The following OTOA variants were observed in gnomAD, a reference collection of about 807,000 sequenced individuals.
The protein encoded by OTOA is cancer/testis antigen 108.
A neutral mutation model predicts 110.8 loss-of-function variants in OTOA; 70 were observed. The ratio of observed to expected loss-of-function variants is 0.63; its 90% CI spans 0.52 to 0.77. OTOA has a LOEUF of 0.77. OTOA is among the 30% of genes least tolerant of loss of function. The pLI is 0.00. For synonymous variants in OTOA, 373 were observed against 431.5 expected, an observed-to-expected ratio of 0.86 and a Z score of 1.68; for missense variants, 917 against 1,075.8, an observed-to-expected ratio of 0.85 and a Z score of 2.06.
rs76025098 is a variant in OTOA, at chr16:21,712,021, A to G, written c.1320+1918A>G. ...CTGACCAACTATACAAAACTCATCA[A>G]TTTTTATTTTGACAAAAGGTAGTAG... On this transcript the variant is annotated intron_variant, in intron 13 of 28. Coordinates refer to ENST00000646100, the MANE Select transcript of OTOA (RefSeq NM_144672.4). Among the ~76,000 whole-genome samples, 1,465 of 151,774 alleles carry G rather than the reference A, an allele frequency of 9.7e-3. 19 individuals are homozygous for G. The highest frequency in any genetic ancestry group is 0.014 in the Non-Finnish European group (972 of 67,958).
chr16:21,668,461 T>TC lies in OTOA; in HGVS notation c.-5+4229_-5+4230insC, dbSNP rs1171023213. On this transcript the variant is annotated intron_variant, in intron 1 of 28. Transcript: ENST00000646100. ...TTGTTTGTTTGCTTTGTTTCTTTCT[T>TC]TTTTTTTTTTTTTTTGGAGACAGAG... is the stretch of plus-strand genomic sequence containing the variant. Among the ~76,000 whole-genome samples the TC allele has an allele frequency of 2.9e-3, 414 of 145,056 alleles. 3 individuals are homozygous for TC. Among genetic ancestry groups the TC allele is most frequent in the African/African-American group, 0.01 (402 of 40,082 alleles).
chr16:21,728,368 A>C lies in OTOA; in HGVS notation c.2144A>C (p.Asp715Ala), dbSNP rs758317494. Residue 715 changes from aspartate (D) to alanine (A), a missense_variant, in exon 20 of 29, where the codon GAC becomes GCC. Around this residue, in one of 6 missense-constraint regions of OTOA, gnomAD observed 840 missense variants for 910.2 expected, o/e 0.92. Transcript: ENST00000646100. ...AWATALHGLRDCPDLNPEQKA... is the reference protein window; with the variant it reads ...AWATALHGLRACPDLNPEQKA... ...GCGACTGCTCTACACGGCCTCAGAG[A>C]CTGCCCAGACCTCAACCCTGAGCAA... 1.9e-6 allele frequency: 3 copies of C among 1,613,960 alleles called. No individual in the cohort carries two copies. Among genetic ancestry groups the C allele is most frequent in the Non-Finnish European group, 2.5e-6 (3 of 1,180,004 alleles).
intron 17 of OTOA, chr16:21,721,356 C>T (rs1459750150): frequency 2.2e-6 from 1 of 455,030 alleles, no homozygotes; most frequent in Non-Finnish European, 4.4e-6. Flanking sequence ...ACTGTTTTGC[C>T]CTCTTAGGGG....
chr16:21,733,461 C>T (rs1899180827), intron 21 of OTOA, among the ~76,000 whole-genome samples: 1 of 152,084 alleles, frequency 6.6e-6, no homozygotes, highest in South Asian at 2.1e-4. Flanking sequence ...TTAGGTACAG[C>T]CAGGGTTGAA....
At chr16:21,705,062 T>A (rs746917495) in intron 11 of OTOA, 107 bp from the exon 12 acceptor site, 40 of 1,563,904 alleles carry the variant, frequency 2.6e-5, no homozygotes, top group Non-Finnish European at 3.1e-5. Flanking sequence ...AACCTGGGAG[T>A]CCGTGGCAAC....
intron 23 of OTOA, among the ~76,000 whole-genome samples, chr16:21,744,104 T>C (rs1177137861): frequency 7.2e-6 from 1 of 139,490 alleles, no homozygotes; most frequent in African/African-American, 2.6e-5. Flanking sequence ...CAACACATTA[T>C]TATCAACTGT....
At chr16:21,679,696 C>T (rs1474915727) in intron 5 of OTOA, among the ~76,000 whole-genome samples, 1 of 152,210 alleles carries the variant, frequency 6.6e-6, no homozygotes. Context: ...TGAGCCACCG[C>T]AACCGGCCTA....
At chr16:21,665,999 TA>T (rs1966839846) in intron 1 of OTOA, among the ~76,000 whole-genome samples, 1 of 152,024 alleles carries the variant, frequency 6.6e-6, no homozygotes, top group Non-Finnish European at 1.5e-5. Context: ...ATTTTTAAAT[TA>T]TTTGTAGAAA....
intron 24 of OTOA, among the ~76,000 whole-genome samples, chr16:21,749,620 TCTC>T (rs1366939050): frequency 7.1e-5 from 10 of 141,216 alleles, no homozygotes; most frequent in African/African-American, 2.1e-4. Flanking sequence ...TCCTTGGATG[TCTC>T]CTCATCTTTG....
At chr16:21,716,717 T>A (rs1203172023) in intron 14 of OTOA, among the ~76,000 whole-genome samples, 190 bp from the exon 15 acceptor site, 3 of 152,118 alleles carry the variant, frequency 2.0e-5, no homozygotes, top group Non-Finnish European at 4.4e-5. Flanking sequence ...TGTCACTTAC[T>A]GACTTTCAAC....
chr16:21,759,814 C>T (rs1309715948), intron 28 of OTOA, among the ~76,000 whole-genome samples: 5 of 151,910 alleles, frequency 3.3e-5, no homozygotes, highest in South Asian at 2.1e-4. Context: ...GCAGAGGAAT[C>T]GCTTGAACCT....
At chr16:21,706,689 T>A (rs1392568326) in intron 12 of OTOA, among the ~76,000 whole-genome samples, 1 of 152,110 alleles carries the variant, frequency 6.6e-6, no homozygotes, top group Admixed American at 6.6e-5. Flanking sequence ...ATCGAAACGA[T>A]GACATGAAAA....
chr16:21,684,810 G>A (rs1354951298), intron 6 of OTOA, among the ~76,000 whole-genome samples: 1 of 150,856 alleles, frequency 6.6e-6, no homozygotes, highest in Non-Finnish European at 1.5e-5. Context: ...GGAGTGCAGT[G>A]GCGTGATCTC....
At chr16:21,687,863 C>T (rs1897751257) in intron 8 of OTOA, among the ~76,000 whole-genome samples, 4 of 151,888 alleles carry the variant, frequency 2.6e-5, no homozygotes, top group Admixed American at 2.6e-4. Context: ...GGAGTTTCAC[C>T]ATGTTGGCCA....
At chr16:21,712,877 C>T (rs1269275976) in intron 13 of OTOA, among the ~76,000 whole-genome samples, 2 of 151,986 alleles carry the variant, frequency 1.3e-5, no homozygotes, top group Admixed American at 6.6e-5. Context: ...TTGATTCAGG[C>T]GGTAAAGGGG....
At chr16:21,664,700 C>G (rs1397025977) in intron 1 of OTOA, among the ~76,000 whole-genome samples, 1 of 151,836 alleles carries the variant, frequency 6.6e-6, no homozygotes, top group Non-Finnish European at 1.5e-5. Context: ...AGGTAAAGGC[C>G]GGGGCTCACA....
At chr16:21,669,084 C>T (rs1023967429) in intron 1 of OTOA, among the ~76,000 whole-genome samples, 33 of 151,980 alleles carry the variant, frequency 2.2e-4, no homozygotes, top group Admixed American at 2.0e-4. Flanking sequence ...GATTACATGC[C>T]TGTAATCCCA....
Position 21,721,211 on chromosome 16 carries a change from A to T in OTOA, c.1807-1694A>T, listed in dbSNP as rs369400173. On this transcript the variant is annotated intron_variant, in intron 17 of 28. Transcript: ENST00000646100. ...ATTACAGGCATGAGCCACCACGCCC[A>T]TTCTGAAAACACATAATTATTACAC... is the stretch of plus-strand genomic sequence containing the variant. 3.4e-4 allele frequency: 144 copies of T among 428,900 alleles called. 2 individuals carry two copies. In the East Asian group the frequency reaches 0.01, roughly 30 times the overall value. The allele number at this position is 428,900 out of a possible 1,614,324, so 26.6% of individuals were successfully genotyped here.
intron 20 of OTOA, chr16:21,730,513 C>A: frequency 2.8e-6 from 1 of 352,154 alleles, no homozygotes; most frequent in Non-Finnish European, 5.5e-6. Context: ...GGAATATGTT[C>A]CTCCCATCCC....
Sources: gnomAD v4.1 joint callset for allele counts (sites outside exome capture counted in the v4.1 genomes callset) on GRCh38, gnomAD v4.1.1 for gene constraint, gnomAD v4.1.1 regional missense constraint, MANE v1.5 for transcripts, NCBI Gene and HGNC (gene_info 2026-07-23, HGNC 2026-07-21) for gene names.